Variants in MMP16 observed in about 807,000 individuals in gnomAD.
The protein encoded by MMP16 is matrix metallopeptidase 16.
A neutral mutation model predicts 67.8 loss-of-function variants in MMP16; 12 were observed. The observed-to-expected ratio is 0.18, with a 90% CI of 0.11 to 0.29. The LOEUF (loss-of-function observed/expected upper bound fraction) is 0.29. MMP16 is among the 10% of genes least tolerant of loss of function. The pLI is 1.00. For missense variants in MMP16, 475 were observed against 765.7 expected (o/e 0.62, Z 4.48); for synonymous variants, 249 against 255.9 (o/e 0.97, Z 0.26).
chr8:88,094,324 TAAAG>T (rs1171588990), intron 6 of MMP16, among the ~76,000 whole-genome samples: 1 of 151,692 alleles, frequency 6.6e-6, no homozygotes, highest in African/African-American at 2.4e-5. Flanking sequence ...GACTAACTTA[TAAAG>T]AAATTATAAA....
Position 88,041,385 on chromosome 8 carries a change from A to G in MMP16, c.*76T>C. 1 of 1,450,556 alleles carries G rather than the reference A, an allele frequency of 6.9e-7. No individual in the cohort carries two copies. The highest frequency in any genetic ancestry group is 9.4e-7 in the Non-Finnish European group (1 of 1,059,542). The allele number at this position is 1,450,556 out of a possible 1,614,324, so 89.9% of individuals were successfully genotyped here. On this transcript the variant is annotated 3_prime_UTR_variant, in exon 10 of 10. Transcript: ENST00000286614. This position sits in a 1 kb window ranked among gnomAD's most constrained non-coding sequence, Gnocchi z 6.0. The stretch of plus-strand genomic sequence containing the variant: ...ACAAGCCTGCTCCTAGCTAGGAAAC[A>G]GCATAACAGCTCTTGTCTTGAATCT...
intron 1 of MMP16, among the ~76,000 whole-genome samples, chr8:88,299,167 C>A (rs890849388): frequency 8.5e-5 from 13 of 152,152 alleles, no homozygotes; most frequent in African/African-American, 2.9e-4. Context: ...ACGACACATG[C>A]ATCTGTTCCC....
chr8:88,236,346 A>G (rs1809939894), intron 1 of MMP16, among the ~76,000 whole-genome samples: 1 of 152,242 alleles, frequency 6.6e-6, no homozygotes, highest in Non-Finnish European at 1.5e-5. Flanking sequence ...TGTGCTTAGC[A>G]CAGTGCCTGA....
At chr8:88,186,994 A>G (rs1809085963) in intron 2 of MMP16, among the ~76,000 whole-genome samples, 1 of 152,212 alleles carries the variant, frequency 6.6e-6, no homozygotes, top group African/African-American at 2.4e-5. Flanking sequence ...CACCTTTAAC[A>G]TTCAAAGATT....
intron 1 of MMP16, among the ~76,000 whole-genome samples, chr8:88,243,363 G>A (rs562895159): frequency 7.9e-5 from 12 of 152,114 alleles, no homozygotes; most frequent in Non-Finnish European, 1.2e-4. Flanking sequence ...GAAGGGAGAC[G>A]GAAGCCTCCT....
intron 1 of MMP16, among the ~76,000 whole-genome samples, chr8:88,297,179 A>G (rs1412570745): frequency 6.6e-6 from 1 of 152,164 alleles, no homozygotes; most frequent in Admixed American, 6.5e-5. Flanking sequence ...ATGCATACTC[A>G]GGTCTGAAAG....
At chr8:88,325,453 A>G (rs181521720) in intron 1 of MMP16, among the ~76,000 whole-genome samples, 20 of 152,100 alleles carry the variant, frequency 1.3e-4, no homozygotes, top group Non-Finnish European at 2.5e-4. Flanking sequence ...CACACACTCC[A>G]CCTCACCACC....
At chr8:88,070,423 G>A (rs1333599548) in intron 7 of MMP16, among the ~76,000 whole-genome samples, 2 of 152,086 alleles carry the variant, frequency 1.3e-5, no homozygotes, top group African/African-American at 4.8e-5. Context: ...GGGGGCAGCC[G>A]GTACTATGGC....
At chr8:88,156,593 A>G (rs1808512271) in intron 4 of MMP16, among the ~76,000 whole-genome samples, 1 of 152,108 alleles carries the variant, frequency 6.6e-6, no homozygotes, top group Non-Finnish European at 1.5e-5. Context: ...TGATAGTGGT[A>G]TGGTTGTAAT....
intron 3 of MMP16, among the ~76,000 whole-genome samples, chr8:88,171,928 G>A (rs1808810750): frequency 1.3e-5 from 2 of 151,690 alleles, no homozygotes; most frequent in African/African-American, 4.8e-5. Context: ...CTGGGTTCCA[G>A]CAATTATCCT....
At position 88,147,012 on chromosome 8, in the gene MMP16, T is replaced by G. The variant is rs573976663; in HGVS notation, c.709+20657A>C. ...TATATAAATTATTATAAACTACAGATAGTAGAATTTTAATTTATTACAACA... is the reference window on the plus strand; with the variant it reads ...TATATAAATTATTATAAACTACAGAGAGTAGAATTTTAATTTATTACAACA... On this transcript the variant is annotated intron_variant, in intron 4 of 9. Coordinates refer to ENST00000286614, the MANE Select transcript of MMP16 (RefSeq NM_005941.5). Among the ~76,000 whole-genome samples the G allele has an allele frequency of 6.6e-5, 10 of 152,140 alleles. 1 individual carries two copies. The South Asian group carries it at 1.9e-3, about 28-fold the overall frequency.
rs550525605 is a variant in MMP16 at position 88,242,481 on chromosome 8, G to A, written c.133-45175C>T. Among the ~76,000 whole-genome samples the A allele has an allele frequency of 1.1e-4, 17 of 152,250 alleles. No individual in the cohort carries two copies. In the South Asian group the frequency reaches 2.3e-3, roughly 20 times the overall value. On this transcript the variant is annotated intron_variant, in intron 1 of 9. Transcript: ENST00000286614. The stretch of plus-strand genomic sequence containing the variant: ...ACTTTGCAATAAAGTTAAGTATGCT[G>A]CCCTGTGTGAACACAGCAATATAAA...
In MMP16 at chr8:88,083,712, T is replaced by C. The variant is rs557744887; in HGVS notation, c.1084-8969A>G. ...AAAAATGTAGTTCATCTCTAGTTCA[T>C]GAGAGTTAGCTTTTTAGAGAAGAAT... On this transcript the variant is annotated intron_variant, in intron 6 of 9. Coordinates refer to ENST00000286614, the MANE Select transcript of MMP16 (RefSeq NM_005941.5). Among the ~76,000 whole-genome samples, 8 of 152,132 alleles carry C rather than the reference T, an allele frequency of 5.3e-5. No individual in the cohort carries two copies. In the South Asian group the frequency reaches 1.2e-3, roughly 24 times the overall value.
chr8:88,177,085 T>C (rs553101312), intron 3 of MMP16, among the ~76,000 whole-genome samples: 2 of 152,212 alleles, frequency 1.3e-5, no homozygotes, highest in African/African-American at 2.4e-5. Context: ...ATTTTCTCCA[T>C]AAAAGGTTTA....
In MMP16 at chr8:88,167,662, T is replaced by G; in HGVS notation, c.709+7A>C. The G allele has an allele frequency of 5.0e-6, 8 of 1,600,832 alleles. No individual in the cohort carries two copies. The highest frequency in any genetic ancestry group is 6.8e-6 in the Non-Finnish European group (8 of 1,172,692). ...ATATTTACACTGTAAAACAAACATG[T>G]ACTTACCATCATGATTAGGATTTCC... On this transcript the variant is annotated splice_region_variant and intron_variant, in intron 4 of 9. Transcript: ENST00000286614.
intron 1 of MMP16, among the ~76,000 whole-genome samples, chr8:88,311,543 C>A (rs1410648408): frequency 2.0e-5 from 3 of 152,006 alleles, no homozygotes; most frequent in Non-Finnish European, 4.4e-5. Flanking sequence ...AACAATGCCA[C>A]CTTTCTTACT....
intron 1 of MMP16, among the ~76,000 whole-genome samples, chr8:88,292,485 A>G (rs926089425): frequency 4.6e-5 from 7 of 152,336 alleles, no homozygotes; most frequent in Middle Eastern, 3.4e-3. Context: ...CAGATCAAAC[A>G]GTCTTGAAAT....
intron 4 of MMP16, among the ~76,000 whole-genome samples, chr8:88,158,385 C>A (rs1808551421): frequency 6.6e-6 from 1 of 151,750 alleles, no homozygotes; most frequent in Admixed American, 6.6e-5. Flanking sequence ...GAGATGGTAT[C>A]TCGTGGTTTT....
rs898903651 is a variant in MMP16 at position 88,159,801 on chromosome 8, G to A, written c.709+7868C>T. Among the ~76,000 whole-genome samples, 7 of 152,054 alleles carry A rather than the reference G, an allele frequency of 4.6e-5. No individual in the cohort carries two copies. The South Asian group carries it at 6.2e-4, about 14-fold the overall frequency. ...AAAAGCTCTTATTATTTTGAGATAC[G>A]TCCCATCAATACCTAATTTTTTGAG... On this transcript the variant is annotated intron_variant, in intron 4 of 9. Transcript: ENST00000286614.
Sources: gnomAD v4.1 joint callset for allele counts (sites outside exome capture counted in the v4.1 genomes callset) on GRCh38, gnomAD v4.1.1 for gene constraint, Gnocchi (gnomAD v3.1) non-coding constraint, MANE v1.5 for transcripts, NCBI Gene and HGNC (gene_info 2026-07-23, HGNC 2026-07-21) for gene names.